Variants in PSMD4 observed in about 807,000 individuals in gnomAD.
The protein encoded by PSMD4 is proteasome 26S subunit ubiquitin receptor, non-ATPase 4.
A neutral mutation model predicts 39.7 loss-of-function variants in PSMD4; 5 were observed. The observed-to-expected ratio is 0.13, with a 90% CI of 0.07 to 0.26. The LOEUF is 0.26. PSMD4 is among the 10% of genes least tolerant of loss of function. PSMD4 has a pLI of 1.00. For synonymous variants in PSMD4, 143 were observed against 174.6 expected, an observed-to-expected ratio of 0.82 and a Z score of 1.43; for missense variants, 272 against 486.1, an observed-to-expected ratio of 0.56 and a Z score of 4.14.
chr1:151,266,468 C>T (rs1241130476), intron 8 of PSMD4, 29 bp downstream of exon 8: 12 of 1,614,100 alleles, frequency 7.4e-6, no homozygotes, highest in Non-Finnish European at 1.0e-5. Flanking sequence ...GGTGCCTAGG[C>T]AGAGGTTGGG....
intron 1 of PSMD4, among the ~76,000 whole-genome samples, chr1:151,257,715 C>CTTTGTTTTTTT (rs1693208691): frequency 1.1e-5 from 1 of 88,718 alleles, no homozygotes; most frequent in Non-Finnish European, 2.0e-5. Context: ...ACCTGGCTTT[C>CTTTGTTTTTTT]TTTTTTTTTT....
intron 3 of PSMD4, 60 bp from the exon 4 acceptor site, chr1:151,264,764 CGAGTGACA>C (rs1693390703): frequency 7.7e-7 from 1 of 1,291,002 alleles, no homozygotes; most frequent in Non-Finnish European, 1.1e-6. Context: ...AAAAGGGAAC[CGAGTGACA>C]GAGGAAAGAG....
intron 1 of PSMD4, 139 bp downstream of exon 1, chr1:151,254,947 G>A: frequency 9.2e-7 from 1 of 1,082,366 alleles, no homozygotes; most frequent in Non-Finnish European, 1.2e-6. Flanking sequence ...GAGCCCGCTG[G>A]ACTCCCTGAG....
intron 2 of PSMD4, 89 bp downstream of exon 2, chr1:151,262,390 A>G (rs1693337420): frequency 1.3e-6 from 2 of 1,524,170 alleles, no homozygotes; most frequent in Non-Finnish European, 1.8e-6. Context: ...GCTTTTGCCC[A>G]TCACCTTCCT....
At chr1:151,261,180 C>CTTTTTTTTTTTTTTTTT (rs587653164) in intron 1 of PSMD4, among the ~76,000 whole-genome samples, 1 of 120,010 alleles carries the variant, frequency 8.3e-6, no homozygotes, top group Non-Finnish European at 1.8e-5. Flanking sequence ...TTTTCTTTTT[C>CTTTTTTTTTTTTTTTTT]TTTTTTTTTT....
chr1:151,265,109 C>T lies in PSMD4; in HGVS notation c.370-57C>T, dbSNP rs964345956. Reference sequence around the variant, plus strand: ...TTCTGTATGCTTTTATGCGGCGGGTCCTTTCCCCCCCTCGAGTATGGAACA... The same window carrying T: ...TTCTGTATGCTTTTATGCGGCGGGTTCTTTCCCCCCCTCGAGTATGGAACA... On this transcript the variant is annotated intron_variant, in intron 4 of 9. Coordinates refer to ENST00000368884, the MANE Select transcript of PSMD4 (RefSeq NM_002810.4). 1.2e-5 allele frequency: 17 copies of T among 1,409,538 alleles called. No individual in the cohort carries two copies. The African/African-American group carries it at 2.7e-4, about 22-fold the overall frequency. 87.3% of individuals were successfully genotyped at this position (1,409,538 alleles called of 1,614,324 possible).
intron 4 of PSMD4, 23 bp from the exon 5 acceptor site, chr1:151,265,143 G>T (rs1407545335): frequency 1.3e-6 from 2 of 1,596,338 alleles, no homozygotes; most frequent in South Asian, 1.1e-5. Flanking sequence ...CAGATTTCTT[G>T]ATTTTTCTCC....
chr1:151,265,375 T>C lies in PSMD4; in HGVS notation c.439-19T>C. On this transcript the variant is annotated intron_variant, in intron 5 of 9. Transcript: ENST00000368884. Reference sequence around the variant, plus strand: ...GAGCAAGGCCTGAAGAAGGGCATCATGTGTTCTTTCCTCCCCAGGAGGTGA... The same window carrying C: ...GAGCAAGGCCTGAAGAAGGGCATCACGTGTTCTTTCCTCCCCAGGAGGTGA... The C allele has an allele frequency of 6.2e-7, 1 of 1,612,824 alleles. No individual in the cohort carries two copies.
intron 2 of PSMD4, 162 bp downstream of exon 2, chr1:151,262,463 T>G: frequency 2.5e-6 from 2 of 806,544 alleles, no homozygotes; most frequent in Non-Finnish European, 4.0e-6. Flanking sequence ...TATTAACCTG[T>G]ATTTAATGTA....
Position 151,262,277 on chromosome 1 carries a change from A to C in PSMD4, c.143A>C (p.Asn48Thr). The C allele has an allele frequency of 6.2e-7, 1 of 1,614,214 alleles. No individual in the cohort carries two copies. Among genetic ancestry groups the C allele is most frequent in the Non-Finnish European group, 8.5e-7 (1 of 1,180,030 alleles). The part of the protein sequence containing the change: ...HSKTRSNPEN[N>T]VGLITLANDC... Reference sequence around the variant, plus strand: ...AAGACCCGCAGCAACCCTGAGAACAACGTGGGCCTTATCACACTGGCTAAG... The same window carrying C: ...AAGACCCGCAGCAACCCTGAGAACACCGTGGGCCTTATCACACTGGCTAAG... Residue 48 changes from asparagine (N) to threonine (T), a missense_variant, in exon 2 of 10, where the codon AAC becomes ACC. By Grantham distance (65) the Asn-to-Thr change is moderately conservative. This residue lies in a region of PSMD4 where 153 missense variants were observed against 257.6 expected (regional missense o/e 0.59). Coordinates refer to ENST00000368884, the MANE Select transcript of PSMD4 (RefSeq NM_002810.4).
chr1:151,265,855 C>G lies in PSMD4; in HGVS notation c.655-149C>G, dbSNP rs587741728. 10 of 1,190,060 alleles carry G rather than the reference C, an allele frequency of 8.4e-6. No homozygotes were observed. The South Asian group carries it at 1.3e-4, about 16-fold the overall frequency. 73.7% of individuals were successfully genotyped at this position (1,190,060 alleles called of 1,614,324 possible). On this transcript the variant is annotated intron_variant, in intron 6 of 9. Coordinates refer to ENST00000368884, the MANE Select transcript of PSMD4 (RefSeq NM_002810.4). The stretch of plus-strand genomic sequence containing the variant: ...CTCCCAAGTCCTTACTTTTTAATCC[C>G]GTACCACTGCTTATCCCTCCAGCTT...
chr1:151,260,025 C>T (rs1258860175), intron 1 of PSMD4, among the ~76,000 whole-genome samples: 2 of 151,888 alleles, frequency 1.3e-5, no homozygotes, highest in African/African-American at 4.8e-5. Flanking sequence ...ATGGAGGAAC[C>T]CCGTCTCTAC....
At chr1:151,256,342 T>C (rs1436937591) in intron 1 of PSMD4, among the ~76,000 whole-genome samples, 23 of 56,868 alleles carry the variant, frequency 4.0e-4, no homozygotes, top group African/African-American at 1.5e-3. Context: ...AGACTCCCTC[T>C]CAAAAAAAAA....
rs768592153 is a variant in PSMD4, at chr1:151,262,235, A to G, written c.101A>G (p.Asn34Ser). ...TRLQAQQDAV[N>S]IVCHSKTRSN... ...CTGCAGGCCCAGCAGGATGCTGTCA[A>G]CATAGTTTGTCATTCAAAGACCCGC... Residue 34 changes from asparagine to serine, a missense_variant, in exon 2 of 10, where the codon AAC (asparagine) becomes AGC (serine). This residue lies in a region of PSMD4 where 153 missense variants were observed against 257.6 expected (regional missense o/e 0.59). Coordinates refer to ENST00000368884, the MANE Select transcript of PSMD4 (RefSeq NM_002810.4). 1.5e-5 allele frequency: 25 copies of G among 1,614,106 alleles called. No individual in the cohort carries two copies. In the Admixed American group the frequency reaches 3.2e-4, roughly 20 times the overall value.
At chr1:151,261,689 C>T (rs768995330) in intron 1 of PSMD4, among the ~76,000 whole-genome samples, 235 of 152,206 alleles carry the variant, frequency 1.5e-3, no homozygotes, top group Non-Finnish European at 2.8e-3. Context: ...CCAGGTGGCT[C>T]ACACCTGTTA....
In PSMD4 at chr1:151,266,994, A is replaced by T. The variant is rs756206482; in HGVS notation, c.964-179A>T. The T allele has an allele frequency of 2.8e-5, 22 of 784,930 alleles. 1 individual carries two copies. In the South Asian group the frequency reaches 3.1e-4, roughly 11 times the overall value. The allele number at this position is 784,930 out of a possible 1,614,324, so 48.6% of individuals were successfully genotyped here. A position where few individuals can be genotyped will look rare whatever the true frequency, so the allele number is the denominator to read the frequency against. On this transcript the variant is annotated intron_variant, in intron 9 of 9. Transcript: ENST00000368884. ...CCTCTATTTGGTTAGTAATAACTGC[A>T]TTCATGCTGTATAAAGGATTTTGCT...
At chr1:151,258,570 C>T (rs1419106374) in intron 1 of PSMD4, among the ~76,000 whole-genome samples, 1 of 149,724 alleles carries the variant, frequency 6.7e-6, no homozygotes, top group Non-Finnish European at 1.5e-5. Context: ...AAGTGATCCT[C>T]CTGCCTCAGC....
intron 1 of PSMD4, among the ~76,000 whole-genome samples, chr1:151,256,519 A>T (rs1438928235): frequency 6.9e-6 from 1 of 144,756 alleles, no homozygotes; most frequent in Non-Finnish European, 1.5e-5. Context: ...GCTCACTGCA[A>T]CCTCCGCCTC....
At chr1:151,256,433 C>CTT (rs1296037370) in intron 1 of PSMD4, among the ~76,000 whole-genome samples, 23 of 138,946 alleles carry the variant, frequency 1.7e-4, no homozygotes, top group East Asian at 2.1e-4. Context: ...CCTTTGCCCA[C>CTT]TTTTTTTTTT....
Sources: allele counts gnomAD v4.1 joint callset (sites outside exome capture counted in the v4.1 genomes callset), GRCh38; gene constraint gnomAD v4.1.1; regional missense constraint gnomAD v4.1.1; transcripts MANE v1.5; gene names NCBI Gene and HGNC (gene_info 2026-07-23, HGNC 2026-07-21).